EFHC2: variants seen among roughly 807,000 people sequenced by gnomAD.
EFHC2 encodes the protein EF-hand domain containing 2.
In EFHC2, 18 loss-of-function variants were observed where a neutral mutation model predicts 52.7. The observed-to-expected ratio is 0.34, with a 90% confidence interval of 0.24 to 0.51. The LOEUF (loss-of-function observed/expected upper bound fraction) is 0.51. Ranked by LOEUF, EFHC2 falls within the 20% of genes least tolerant of loss-of-function variation. EFHC2 has a pLI of 0.97. For missense variants in EFHC2, 513 were observed against 562.5 expected, an observed-to-expected ratio of 0.91 and a Z score of 0.89; for synonymous variants, 203 against 204.1, an observed-to-expected ratio of 0.99 and a Z score of 0.04.
At chrX:44,302,542 T>C (rs1331088082) in intron 2 of EFHC2, among the ~76,000 whole-genome samples, 1 of 112,669 alleles carries the variant, frequency 8.9e-6, no homozygotes, top group Non-Finnish European at 1.9e-5. Flanking sequence ...GCTTTATCAC[T>C]TTAATATAAA....
At chrX:44,192,481 C>T (rs2036929408) in intron 11 of EFHC2, among the ~76,000 whole-genome samples, 1 of 111,653 alleles carries the variant, frequency 9.0e-6, no homozygotes. Context: ...CACATTTTTA[C>T]CAAGGTATAT....
intron 1 of EFHC2, among the ~76,000 whole-genome samples, chrX:44,327,823 C>T (rs1165264736): frequency 1.8e-5 from 2 of 111,942 alleles, no homozygotes; most frequent in Admixed American, 1.9e-4. Context: ...AAATCTCAAA[C>T]ATTTTTTAAG....
intron 4 of EFHC2, 101 bp from the exon 5 acceptor site, chrX:44,250,546 C>A: frequency 1.0e-6 from 1 of 978,169 alleles, no homozygotes. Context: ...TATTTTTGGT[C>A]AGGCATGGTG....
intron 11 of EFHC2, among the ~76,000 whole-genome samples, chrX:44,196,977 G>A (rs1279150234): frequency 8.9e-6 from 1 of 111,860 alleles, no homozygotes; most frequent in Non-Finnish European, 1.9e-5. Context: ...AACTTAATAT[G>A]TAATTCTGGG....
chrX:44,322,044 T>C (rs902564685), intron 1 of EFHC2, among the ~76,000 whole-genome samples: 3 of 111,167 alleles, frequency 2.7e-5, no homozygotes, highest in African/African-American at 9.8e-5. Flanking sequence ...ATTTAGGAAC[T>C]TACCCTTTCC....
intron 4 of EFHC2, among the ~76,000 whole-genome samples, chrX:44,251,035 G>A (rs1296623239): frequency 9.6e-6 from 1 of 103,733 alleles, no homozygotes; most frequent in Non-Finnish European, 2.0e-5. Flanking sequence ...TCAGGAGATC[G>A]AGACCATCCT....
intron 2 of EFHC2, among the ~76,000 whole-genome samples, chrX:44,286,579 C>A (rs2037749950): frequency 9.0e-6 from 1 of 111,312 alleles, no homozygotes; most frequent in South Asian, 3.8e-4. Context: ...CAATCTAAAT[C>A]CCTGTCCTCT....
intron 2 of EFHC2, among the ~76,000 whole-genome samples, chrX:44,308,309 A>G (rs1184332256): frequency 9.0e-6 from 1 of 111,079 alleles, no homozygotes; most frequent in Non-Finnish European, 1.9e-5. Context: ...AAGTTTTACA[A>G]TACTACCTTA....
chrX:44,272,764 A>G lies in EFHC2; in HGVS notation c.304T>C (p.Tyr102His), dbSNP rs1423358104. 4.3e-6 allele frequency: 5 copies of G among 1,168,341 alleles called. No homozygotes were observed. The highest frequency in any genetic ancestry group is 1.9e-5 in the South Asian group (1 of 52,633). Residue 102 changes from tyrosine (Y) to histidine (H), a missense_variant, in exon 3 of 15, where the codon TAT (tyrosine) becomes CAT (histidine). Coordinates refer to ENST00000420999, the MANE Select transcript of EFHC2 (RefSeq NM_025184.4). ...TCTTCAGGGTAGAAGTAGATTTTAT[A>G]GTATCTTATTCTGTAGTTGGTTTGG... is the stretch of plus-strand genomic sequence containing the variant. ...KSQTNYRIRY[Y>H]KIYFYPEDDT... is the part of the protein sequence containing the mutation.
At chrX:44,203,165 T>G (rs747751682) in intron 11 of EFHC2, among the ~76,000 whole-genome samples, 13 of 111,614 alleles carry the variant, frequency 1.2e-4, no homozygotes, top group African/African-American at 4.2e-4. Flanking sequence ...AGAAAGCACT[T>G]TTCATGCTTT....
At chrX:44,190,112 G>A (rs1169102534) in intron 11 of EFHC2, among the ~76,000 whole-genome samples, 3 of 111,175 alleles carry the variant, frequency 2.7e-5, no homozygotes, top group African/African-American at 9.8e-5. Context: ...GACCTTATTG[G>A]TCCTTTCCTT....
chrX:44,319,484 G>C (rs2038004287), intron 1 of EFHC2, among the ~76,000 whole-genome samples: 1 of 111,287 alleles, frequency 9.0e-6, no homozygotes, highest in African/African-American at 3.3e-5. Flanking sequence ...GATTTCAGAG[G>C]GCGCGCAAGA....
At position 44,250,350 on chromosome X, in the gene EFHC2, G is replaced by A. The variant is rs1384154654; in HGVS notation, c.702C>T (p.Cys234=). Residue 234 remains cysteine (C), a synonymous_variant, in exon 5 of 15, where the codon TGC becomes TGT. Transcript: ENST00000420999. ...QYHGKILCFF[C]LWDDSVSMFG... The stretch of plus-strand genomic sequence containing the variant: ...ACATTGAGACTGAGTCATCCCACAG[G>A]CAGAAGAAACACAAAATCTTGCCAT... 1 of 1,211,189 alleles carries A rather than the reference G, an allele frequency of 8.3e-7. No homozygotes were observed. The highest frequency in any genetic ancestry group is 1.8e-5 in the South Asian group (1 of 56,889).
chrX:44,301,329 C>A (rs920576462), intron 2 of EFHC2, among the ~76,000 whole-genome samples: 6 of 109,386 alleles, frequency 5.5e-5, no homozygotes, highest in East Asian at 2.9e-4. Context: ...CCACTCCCCC[C>A]CCGACCAAAT....
At chrX:44,263,534 C>A (rs2037556014) in intron 3 of EFHC2, among the ~76,000 whole-genome samples, 1 of 111,493 alleles carries the variant, frequency 9.0e-6, no homozygotes, top group Non-Finnish European at 1.9e-5. Flanking sequence ...TAGAACTGGC[C>A]TAGAATATTT....
chrX:44,277,213 T>C (rs572338389), intron 2 of EFHC2, among the ~76,000 whole-genome samples: 26 of 96,454 alleles, frequency 2.7e-4, no homozygotes, highest in African/African-American at 1.0e-3. Flanking sequence ...GAGCAGAGAT[T>C]GCGCCACTGC....
At chrX:44,209,927 T>C (rs1158259365) in intron 11 of EFHC2, among the ~76,000 whole-genome samples, 2 of 110,608 alleles carry the variant, frequency 1.8e-5, no homozygotes, top group Admixed American at 1.9e-4. Context: ...TGCCTGATGA[T>C]TTGTTACTGA....
chrX:44,236,827 T>C (rs1479496428), intron 8 of EFHC2, among the ~76,000 whole-genome samples: 1 of 111,738 alleles, frequency 8.9e-6, no homozygotes, highest in Non-Finnish European at 1.9e-5. Flanking sequence ...ATTGGATTTA[T>C]ATGTAACAAA....
At chrX:44,177,935 A>G (rs1298120471) in intron 12 of EFHC2, among the ~76,000 whole-genome samples, 1 of 108,988 alleles carries the variant, frequency 9.2e-6, no homozygotes, top group Non-Finnish European at 1.9e-5. Flanking sequence ...TAGCCTGGCC[A>G]ACATGGTGAA....
Sources: allele counts gnomAD v4.1 joint callset (sites outside exome capture counted in the v4.1 genomes callset), GRCh38; gene constraint gnomAD v4.1.1; transcripts MANE v1.5; gene names NCBI Gene and HGNC (gene_info 2026-07-23, HGNC 2026-07-21).